Variants in PTPN13 observed in about 807,000 individuals in gnomAD.
PTPN13 encodes the protein tyrosine-protein phosphatase non-receptor type 13.
A neutral mutation model predicts 284.0 loss-of-function variants in PTPN13; 191 were observed. The ratio of observed to expected loss-of-function variants is 0.67; its 90% CI spans 0.60 to 0.76. The LOEUF is 0.76. PTPN13 is among the 30% of genes least tolerant of loss of function. The probability of loss-of-function intolerance (pLI) is 0.00; values close to 1 mark genes in which losing one functional copy is unlikely to be tolerated. For missense variants in PTPN13, 2,797 were observed against 2,939.9 expected, an observed-to-expected ratio of 0.95 and a Z score of 1.12; for synonymous variants, 986 against 1,022.3, an observed-to-expected ratio of 0.96 and a Z score of 0.68.
At position 86,807,893 on chromosome 4, in the gene PTPN13, T is replaced by C. The variant is rs1163797645; in HGVS notation, c.7079T>C (p.Ile2360Thr). 1 of 1,606,038 alleles carries C rather than the reference T, an allele frequency of 6.2e-7. No homozygotes were observed. Among genetic ancestry groups the C allele is most frequent in the Non-Finnish European group, 8.5e-7 (1 of 1,174,836 alleles). The change falls in exon 45 of 48, where the codon ATT becomes ACT. Residue 2360 changes from isoleucine to threonine, a missense_variant. By Grantham distance (89) the Ile-to-Thr change is moderately conservative. Transcript: ENST00000411767. ...GTGAGGGCAATGACCCTTGAAGATA[T>C]TCAGGTAAGTGAATGAAATCTTTCC... ...FVVRAMTLED[I>T]QTREVRHISH...
chr4:86,799,309 A>G, intron 42 of PTPN13, 105 bp downstream of exon 42: 1 of 604,390 alleles, frequency 1.7e-6, no homozygotes, highest in South Asian at 3.3e-5. Context: ...ATATGTATAC[A>G]TTATTTGCTT....
intron 1 of PTPN13, among the ~76,000 whole-genome samples, chr4:86,618,853 T>A (rs576032749): frequency 3.1e-3 from 471 of 152,284 alleles, no homozygotes; most frequent in Admixed American, 6.4e-3. Flanking sequence ...TTTCTAGGTA[T>A]ACAATCATGT....
intron 34 of PTPN13, 46 bp from the exon 35 acceptor site, chr4:86,775,396 A>G: frequency 6.3e-7 from 1 of 1,599,546 alleles, no homozygotes; most frequent in Non-Finnish European, 8.6e-7. Flanking sequence ...GCTTAAGAGT[A>G]AGTACTTTTA....
intron 2 of PTPN13, among the ~76,000 whole-genome samples, chr4:86,646,964 A>C (rs990384718): frequency 6.6e-6 from 1 of 152,222 alleles, no homozygotes; most frequent in Non-Finnish European, 1.5e-5. Context: ...GTCAGACAAA[A>C]AAATAGTACA....
At chr4:86,790,544 C>A (rs573957735) in intron 40 of PTPN13, among the ~76,000 whole-genome samples, 1 of 152,180 alleles carries the variant, frequency 6.6e-6, no homozygotes, top group Non-Finnish European at 1.5e-5. Context: ...GTGCCACACA[C>A]ACACACACAC....
chr4:86,757,991 A>T (rs555655092), intron 20 of PTPN13, among the ~76,000 whole-genome samples: 4 of 152,302 alleles, frequency 2.6e-5, no homozygotes, highest in African/African-American at 9.6e-5. Flanking sequence ...AAATCATTTA[A>T]CCTATTGAGG....
chr4:86,621,573 G>C (rs550266913), intron 1 of PTPN13, among the ~76,000 whole-genome samples: 3 of 152,222 alleles, frequency 2.0e-5, no homozygotes, highest in African/African-American at 7.2e-5. Flanking sequence ...GCTATTTACA[G>C]TTTTTATTTA....
At chr4:86,716,706 T>G in intron 8 of PTPN13, 81 bp downstream of exon 8, 2 of 1,055,226 alleles carry the variant, frequency 1.9e-6, no homozygotes, top group Non-Finnish European at 2.7e-6. Flanking sequence ...AATATTAATA[T>G]AAATTGCCAG....
intron 2 of PTPN13, among the ~76,000 whole-genome samples, chr4:86,667,915 G>A (rs780224500): frequency 6.6e-6 from 1 of 152,198 alleles, no homozygotes; most frequent in Admixed American, 6.5e-5. Flanking sequence ...TTAATAGTAT[G>A]TGTGGAAGAT....
chr4:86,781,095 C>A (rs1741249860), intron 36 of PTPN13, among the ~76,000 whole-genome samples: 1 of 152,018 alleles, frequency 6.6e-6, no homozygotes, highest in South Asian at 2.1e-4. Context: ...TAATATTTTT[C>A]TTGCAAGGAA....
chr4:86,769,882 A>T lies in PTPN13; in HGVS notation c.4603A>T (p.Lys1535Ter). 6.2e-7 allele frequency: 1 copy of T among 1,613,982 alleles called. No homozygotes were observed. Among genetic ancestry groups the T allele is most frequent in the Non-Finnish European group, 8.5e-7 (1 of 1,179,866 alleles). The change falls in exon 29 of 48, where the codon AAG (lysine) becomes TAG (stop). Residue 1535 changes from lysine (K) to a stop codon, truncating the protein, a stop_gained. Transcript: ENST00000411767. LOFTEE classifies it high-confidence loss of function. The part of the protein sequence containing the change: ...QINASIVRVK[K>*]LFPGQPAAES... ...TAATGCCAGCATAGTAAGGGTTAAAAAGCTCTTTCCTGGACAGCCAGCAGC... is the reference window on the plus strand; with the variant it reads ...TAATGCCAGCATAGTAAGGGTTAAATAGCTCTTTCCTGGACAGCCAGCAGC...
rs1487925216 is a variant in PTPN13, at chr4:86,764,596, T to A, written c.4021T>A (p.Ser1341Thr). The change falls in exon 25 of 48, where the codon TCT (serine) becomes ACT (threonine). Residue 1341 changes from serine (S) to threonine (T), a missense_variant. Ser to Thr is a moderately conservative substitution (Grantham distance 58). Coordinates refer to ENST00000411767, the MANE Select transcript of PTPN13 (RefSeq NM_080683.3). Reference sequence around the variant, plus strand: ...TTGTTTGTTTTTCTTTGTTAAGGAATCTTCCTCTTCAGTGAATACATCCAA... The same window carrying A: ...TTGTTTGTTTTTCTTTGTTAAGGAAACTTCCTCTTCAGTGAATACATCCAA... ...SQDHQTPKQESSSSVNTSNKM... is the reference protein window; with the variant it reads ...SQDHQTPKQETSSSVNTSNKM... 6.1e-6 allele frequency: 9 copies of A among 1,483,010 alleles called. No individual in the cohort carries two copies. The highest frequency in any genetic ancestry group is 8.1e-6 in the Non-Finnish European group (9 of 1,114,806). 91.9% of individuals were successfully genotyped at this position (1,483,010 alleles called of 1,614,324 possible).
At chr4:86,706,744 C>A (rs771045048) in intron 7 of PTPN13, among the ~76,000 whole-genome samples, 7 of 152,026 alleles carry the variant, frequency 4.6e-5, no homozygotes, top group African/African-American at 4.8e-5. Context: ...ATTATTACTG[C>A]GATTATTAAG....
intron 2 of PTPN13, among the ~76,000 whole-genome samples, chr4:86,665,288 A>C (rs1333162162): frequency 6.6e-6 from 1 of 152,182 alleles, no homozygotes; most frequent in African/African-American, 2.4e-5. Flanking sequence ...AATATCTTTT[A>C]TCTCCTATTC....
intron 3 of PTPN13, among the ~76,000 whole-genome samples, chr4:86,682,342 G>A (rs866632327): frequency 6.6e-6 from 1 of 152,100 alleles, no homozygotes; most frequent in Non-Finnish European, 1.5e-5. Context: ...CGTAAGGTAC[G>A]GATGGACCAA....
At chr4:86,788,154 C>G (rs917833637) in intron 40 of PTPN13, among the ~76,000 whole-genome samples, 2 of 152,230 alleles carry the variant, frequency 1.3e-5, no homozygotes, top group South Asian at 2.1e-4. Context: ...TTATTTGTAT[C>G]TAATTCTAGG....
Position 86,780,433 on chromosome 4 carries a change from A to G in PTPN13, c.5923A>G (p.Arg1975Gly), listed in dbSNP as rs772771123. Residue 1975 changes from arginine to glycine, a missense_variant, in exon 36 of 48, where the codon AGG becomes GGG. Arg to Gly is a moderately radical substitution (Grantham distance 125). Coordinates refer to ENST00000411767, the MANE Select transcript of PTPN13 (RefSeq NM_080683.3). ...NDLPVVPSSK[R>G]SAVSAPKSTK... The stretch of plus-strand genomic sequence containing the variant: ...TCTTCCAGTGGTCCCCAGCTCAAAG[A>G]GGTCTGCTGTTTCAGCTCCAAAGTC... The G allele has an allele frequency of 6.2e-7, 1 of 1,611,652 alleles. No homozygotes were observed. The highest frequency in any genetic ancestry group is 8.5e-7 in the Non-Finnish European group (1 of 1,178,766).
intron 7 of PTPN13, among the ~76,000 whole-genome samples, chr4:86,708,188 AC>A (rs1565377207): frequency 6.6e-6 from 1 of 152,194 alleles, no homozygotes; most frequent in Non-Finnish European, 1.5e-5. Context: ...TTACATAGTT[AC>A]ATGTGGCTAG....
intron 40 of PTPN13, among the ~76,000 whole-genome samples, chr4:86,790,990 G>A (rs1415936269): frequency 1.3e-5 from 2 of 151,784 alleles, no homozygotes; most frequent in Non-Finnish European, 1.5e-5. Flanking sequence ...AATGGGACTC[G>A]TTGGACAGTG....
Sources: allele counts gnomAD v4.1 joint callset (sites outside exome capture counted in the v4.1 genomes callset), GRCh38; gene constraint gnomAD v4.1.1; transcripts MANE v1.5; gene names NCBI Gene and HGNC (gene_info 2026-07-23, HGNC 2026-07-21).